The following SLC4A4 variants were observed in gnomAD, a reference collection of about 807,000 sequenced individuals.
The protein encoded by SLC4A4 is solute carrier family 4 member 4.
SLC4A4 carries 27 observed loss-of-function variants against 111.5 expected under a neutral mutation model. The observed-to-expected ratio is 0.24, with a 90% CI of 0.18 to 0.33. The LOEUF is 0.33. Ranked by LOEUF, SLC4A4 falls within the 10% of genes least tolerant of loss-of-function variation. SLC4A4 has a pLI of 1.00. For synonymous variants in SLC4A4, 443 were observed against 463.4 expected, an observed-to-expected ratio of 0.96 and a Z score of 0.57; for missense variants, 909 against 1,315.5, an observed-to-expected ratio of 0.69 and a Z score of 4.78.
intron 16 of SLC4A4, among the ~76,000 whole-genome samples, chr4:71,512,725 G>T (rs1047419109): frequency 2.6e-5 from 4 of 152,128 alleles, no homozygotes; most frequent in Admixed American, 2.0e-4. Context: ...ATGTCCAGGA[G>T]AATTTTCCCT....
intron 2 of SLC4A4, among the ~76,000 whole-genome samples, chr4:71,132,422 A>G (rs1212804248): frequency 1.3e-5 from 2 of 152,232 alleles, no homozygotes; most frequent in Non-Finnish European, 2.9e-5. Context: ...CCATGGAAAT[A>G]GAAGTGGCAT....
chr4:71,340,584 G>A (rs1728830830), intron 4 of SLC4A4, among the ~76,000 whole-genome samples: 2 of 152,070 alleles, frequency 1.3e-5, no homozygotes, highest in Admixed American at 1.3e-4. Flanking sequence ...TGAATAAGGG[G>A]ACTACTGTAT....
chr4:71,508,719 A>G (rs1421083526), intron 16 of SLC4A4, among the ~76,000 whole-genome samples: 2 of 152,238 alleles, frequency 1.3e-5, no homozygotes, highest in Non-Finnish European at 2.9e-5. Flanking sequence ...AAACTATTCC[A>G]TAAATTAAAA....
chr4:71,224,783 A>T lies in SLC4A4; in HGVS notation c.-1-11793A>T, dbSNP rs531456065. Among the ~76,000 whole-genome samples, 229 of 152,244 alleles carry T rather than the reference A, an allele frequency of 1.5e-3. 2 individuals carry two copies. The highest frequency in any genetic ancestry group is 2.5e-3 in the Non-Finnish European group (171 of 68,050). ...GTATGAAGAAATATTCTTGAAGATAATCCTTGGTGGGCATTGATTAGTTAA... is the reference window on the plus strand; with the variant it reads ...GTATGAAGAAATATTCTTGAAGATATTCCTTGGTGGGCATTGATTAGTTAA... On this transcript the variant is annotated intron_variant, in intron 1 of 25. Transcript: ENST00000264485.
chr4:71,430,522 C>T (rs13104531), intron 7 of SLC4A4, among the ~76,000 whole-genome samples: 29,975 of 151,986 alleles, frequency 0.2, 3,289 homozygotes, highest in South Asian at 0.42. Flanking sequence ...CTGACAAATA[C>T]ACTTTTGTAT....
intron 2 of SLC4A4, among the ~76,000 whole-genome samples, chr4:71,111,065 C>T (rs1743071711): frequency 6.6e-6 from 1 of 152,166 alleles, no homozygotes; most frequent in South Asian, 2.1e-4. Flanking sequence ...CCAGCTTCAC[C>T]TCTCAGTATG....
intron 2 of SLC4A4, among the ~76,000 whole-genome samples, chr4:71,246,028 G>A (rs141059007): frequency 5.5e-4 from 84 of 152,314 alleles, no homozygotes; most frequent in African/African-American, 2.0e-3. Context: ...GGTAACTTTT[G>A]TTAACAATGT....
At chr4:71,161,318 G>T (rs572766862) in intron 2 of SLC4A4, among the ~76,000 whole-genome samples, 1 of 152,248 alleles carries the variant, frequency 6.6e-6, no homozygotes, top group South Asian at 2.1e-4. Context: ...AACTCTACAC[G>T]AACACTTATT....
chr4:71,434,552 A>C (rs1723939823), intron 7 of SLC4A4: 1 of 153,888 alleles, frequency 6.5e-6, no homozygotes, highest in South Asian at 2.0e-4. Flanking sequence ...ATGTTACTTC[A>C]TTTATCCCAT....
rs551811630 is a variant in SLC4A4, at chr4:71,364,217, C to T, written c.730+7030C>T. On this transcript the variant is annotated intron_variant, in intron 6 of 25. Coordinates refer to ENST00000264485, the MANE Select transcript of SLC4A4 (RefSeq NM_001098484.3). The stretch of plus-strand genomic sequence containing the variant: ...ATGGGACCATCATTTCCAGAGGTTT[C>T]ATTCAATTCTTTGGCAAATGTTTAG... Among the ~76,000 whole-genome samples, 231 of 152,244 alleles carry T rather than the reference C, an allele frequency of 1.5e-3. 2 individuals are homozygous for T. The highest frequency in any genetic ancestry group is 5.6e-3 in the South Asian group (27 of 4,826).
At chr4:71,142,356 A>G (rs944431647) in intron 2 of SLC4A4, among the ~76,000 whole-genome samples, 15 of 152,304 alleles carry the variant, frequency 9.8e-5, no homozygotes, top group African/African-American at 3.1e-4. Context: ...GAGGAGAAAG[A>G]GTTCTGTTTG....
At chr4:71,551,944 A>T (rs865823498) in intron 20 of SLC4A4, among the ~76,000 whole-genome samples, 3 of 151,878 alleles carry the variant, frequency 2.0e-5, no homozygotes, top group Admixed American at 1.3e-4. Context: ...CTGAAAGGGC[A>T]ATATAGTAGA....
intron 23 of SLC4A4, among the ~76,000 whole-genome samples, chr4:71,562,611 T>A (rs1737094608): frequency 6.6e-6 from 1 of 151,794 alleles, no homozygotes; most frequent in Admixed American, 6.6e-5. Context: ...TTGGTAAATA[T>A]TTCTCCATCC....
chr4:71,267,959 C>T (rs1560830091), intron 3 of SLC4A4, among the ~76,000 whole-genome samples: 1 of 151,294 alleles, frequency 6.6e-6, no homozygotes, highest in Non-Finnish European at 1.5e-5. Flanking sequence ...GGTTATGATT[C>T]TGTGTTTTTT....
At chr4:71,301,295 C>A (rs150766370) in intron 3 of SLC4A4, 2 of 244,402 alleles carry the variant, frequency 8.2e-6, no homozygotes, top group Non-Finnish European at 1.6e-5. Context: ...AGGGAGGAGC[C>A]GTGGAACATT....
chr4:71,522,310 G>C (rs1307459566), intron 16 of SLC4A4, among the ~76,000 whole-genome samples: 1 of 152,156 alleles, frequency 6.6e-6, no homozygotes, highest in Non-Finnish European at 1.5e-5. Context: ...GTGGCAGGTG[G>C]CTCAGGGCAT....
chr4:71,472,594 T>G (rs1577986172), intron 13 of SLC4A4, 105 bp from the exon 14 acceptor site: 2 of 1,172,630 alleles, frequency 1.7e-6, no homozygotes, highest in Middle Eastern at 2.4e-4. Context: ...TGGCTAAAGG[T>G]GATCTTGTAT....
chr4:71,369,356 C>T (rs1294618864), intron 6 of SLC4A4, among the ~76,000 whole-genome samples: 3 of 152,160 alleles, frequency 2.0e-5, no homozygotes, highest in African/African-American at 7.2e-5. Context: ...TGTCCTGAAT[C>T]CAAGTTGAGG....
intron 11 of SLC4A4, among the ~76,000 whole-genome samples, chr4:71,452,447 C>T (rs1329221808): frequency 6.6e-6 from 1 of 152,066 alleles, no homozygotes; most frequent in Non-Finnish European, 1.5e-5. Flanking sequence ...ATGCCTGGTA[C>T]CATGCATAGC....
Sources: allele counts gnomAD v4.1 joint callset (sites outside exome capture counted in the v4.1 genomes callset), GRCh38; gene constraint gnomAD v4.1.1; transcripts MANE v1.5; gene names NCBI Gene and HGNC (gene_info 2026-07-23, HGNC 2026-07-21).